The following SLC30A7 variants were observed in gnomAD, a reference collection of about 807,000 sequenced individuals.
SLC30A7 encodes zinc transporter 7.
A neutral mutation model predicts 46.0 loss-of-function variants in SLC30A7; 35 were observed. The ratio of observed to expected loss-of-function variants is 0.76; its 90% CI spans 0.58 to 1.01. The LOEUF is 1.01. SLC30A7 is among the 50% of genes least tolerant of loss of function. SLC30A7 has a pLI of 0.00. For synonymous variants in SLC30A7, 147 were observed against 157.8 expected, an observed-to-expected ratio of 0.93 and a Z score of 0.51; for missense variants, 464 against 451.1, an observed-to-expected ratio of 1.03 and a Z score of -0.26.
chr1:100,978,917 C>G lies in SLC30A7; in HGVS notation c.*4060C>G, dbSNP rs1656731832. 1 of 152,134 alleles carries G rather than the reference C, an allele frequency of 6.6e-6. No individual in the cohort carries two copies. Among genetic ancestry groups the G allele is most frequent in the Admixed American group, 6.5e-5 (1 of 15,276 alleles). The allele number at this position is 152,134 out of a possible 1,614,324, so 9.4% of individuals were successfully genotyped here. On this transcript the variant is annotated 3_prime_UTR_variant, in exon 11 of 11. Coordinates refer to ENST00000357650, the MANE Select transcript of SLC30A7 (RefSeq NM_133496.5). ...GAATTTTTCTGCTAATTGCCCAAGGCTAAATCCAATTTAAGGATTGCTTAG... is the reference window on the plus strand; with the variant it reads ...GAATTTTTCTGCTAATTGCCCAAGGGTAAATCCAATTTAAGGATTGCTTAG...
downstream of SLC30A7, among the ~76,000 whole-genome samples, chr1:100,986,241 C>T (rs1293742267): frequency 6.6e-6 from 1 of 152,122 alleles, no homozygotes; most frequent in East Asian, 1.9e-4. Flanking sequence ...GAAACCCCGC[C>T]TCTTCTAAAA....
At chr1:100,934,363 CAG>C (rs1335870581) in intron 8 of SLC30A7, among the ~76,000 whole-genome samples, 1 of 152,058 alleles carries the variant, frequency 6.6e-6, no homozygotes, top group African/African-American at 2.4e-5. Flanking sequence ...GACCTGAGAA[CAG>C]AGATTACTAG....
At chr1:100,925,435 T>C (rs1038174458) in intron 8 of SLC30A7, among the ~76,000 whole-genome samples, 2 of 152,172 alleles carry the variant, frequency 1.3e-5, no homozygotes, top group Admixed American at 6.6e-5. Context: ...GGGGCACAAG[T>C]GAGAACAGGC....
rs938863610 is a variant in SLC30A7 at position 100,979,135 on chromosome 1, A to C, written c.*4278A>C. ...AAGCAAATCTTTTAAGTAAGGTAAA[A>C]TGTTGAAGTCTTAACCAGAATTCCT... On this transcript the variant is annotated 3_prime_UTR_variant, in exon 11 of 11. Coordinates refer to ENST00000357650, the MANE Select transcript of SLC30A7 (RefSeq NM_133496.5). The C allele has an allele frequency of 2.8e-4, 42 of 152,140 alleles. No homozygotes were observed. The highest frequency in any genetic ancestry group is 2.4e-3 in the Admixed American group (36 of 15,274). 9.4% of individuals were successfully genotyped at this position (152,140 alleles called of 1,614,324 possible).
intron 8 of SLC30A7, among the ~76,000 whole-genome samples, chr1:100,945,027 C>T (rs1226281731): frequency 1.4e-4 from 22 of 152,188 alleles, no homozygotes; most frequent in Admixed American, 1.4e-3. Flanking sequence ...ATTTGCATTT[C>T]TCTGATGGCC....
In SLC30A7 at chr1:100,913,757, T is replaced by A; in HGVS notation, c.606T>A (p.Ala202=). ...HCHSHEVKHG[A]AHSHDHAHGH... ...ATAGCCATGAAGTGAAACATGGTGC[T>A]GCACATAGCCATGATCATGCTCATG... Residue 202 remains alanine (A), a synonymous_variant, in exon 6 of 11, where the codon GCT becomes GCA. Transcript: ENST00000357650. 1 of 1,613,994 alleles carries A rather than the reference T, an allele frequency of 6.2e-7. No homozygotes were observed. Among genetic ancestry groups the A allele is most frequent in the Non-Finnish European group, 8.5e-7 (1 of 1,179,880 alleles).
chr1:100,990,394 G>A, the SLC30A7 span: 3 of 1,610,456 alleles, frequency 1.9e-6, no homozygotes, highest in East Asian at 2.2e-5. Flanking sequence ...TCAGACAATG[G>A]TAAATATCTA....
intron 6 of SLC30A7, among the ~76,000 whole-genome samples, chr1:100,916,217 C>T (rs749833286): frequency 6.6e-6 from 1 of 151,736 alleles, no homozygotes; most frequent in African/African-American, 2.4e-5. Flanking sequence ...GATGGAGTCT[C>T]GCTCTGTCAC....
chr1:100,938,928 AG>A (rs753617706), intron 8 of SLC30A7, among the ~76,000 whole-genome samples: 3 of 152,220 alleles, frequency 2.0e-5, no homozygotes, highest in Admixed American at 1.3e-4. Flanking sequence ...GAGAGAGTAT[AG>A]TACCCAATAG....
intron 8 of SLC30A7, among the ~76,000 whole-genome samples, chr1:100,922,138 G>T (rs1210110985): frequency 6.6e-6 from 1 of 151,752 alleles, no homozygotes; most frequent in Non-Finnish European, 1.5e-5. Context: ...GCTAATTTTT[G>T]TATTTTTAAT....
At chr1:100,918,258 A>G (rs1186685896) in intron 7 of SLC30A7, 131 bp downstream of exon 7, 2 of 671,362 alleles carry the variant, frequency 3.0e-6, no homozygotes, top group African/African-American at 3.6e-5. Context: ...TAGCCTTTCT[A>G]GTGATTGTTT....
At chr1:100,994,304 TATC>T in the SLC30A7 span, among the ~76,000 whole-genome samples, 1 of 152,128 alleles carries the variant, frequency 6.6e-6, no homozygotes. Context: ...AATAACAGAG[TATC>T]ATTTTTTAAT....
At chr1:100,922,449 T>C (rs1322034847) in intron 8 of SLC30A7, among the ~76,000 whole-genome samples, 1 of 152,228 alleles carries the variant, frequency 6.6e-6, no homozygotes, top group Non-Finnish European at 1.5e-5. Flanking sequence ...ATATTCACTA[T>C]AGTTAGTGTA....
chr1:100,962,913 A>G (rs1655630805), intron 9 of SLC30A7, among the ~76,000 whole-genome samples: 1 of 152,198 alleles, frequency 6.6e-6, no homozygotes, highest in African/African-American at 2.4e-5. Flanking sequence ...GGAGTGGATT[A>G]TATTAGCAGA....
At chr1:100,954,882 T>G (rs1314669988) in intron 8 of SLC30A7, among the ~76,000 whole-genome samples, 6 of 152,070 alleles carry the variant, frequency 3.9e-5, no homozygotes, top group African/African-American at 1.4e-4. Context: ...CTTTGGCTTT[T>G]TTGTCCCCTG....
chr1:100,992,493 A>T, the SLC30A7 span: 1 of 547,504 alleles, frequency 1.8e-6, no homozygotes, highest in Non-Finnish European at 3.0e-6. Flanking sequence ...GATTTAAGTT[A>T]AAGTTGGACA....
chr1:100,932,913 C>T (rs1440847138), intron 8 of SLC30A7, among the ~76,000 whole-genome samples: 4 of 152,106 alleles, frequency 2.6e-5, no homozygotes, highest in African/African-American at 7.2e-5. Context: ...TCTGCCCCAA[C>T]CTCCCTTCCA....
chr1:100,940,917 C>T, intron 8 of SLC30A7: 1 of 376,538 alleles, frequency 2.7e-6, no homozygotes, highest in South Asian at 2.1e-5. Flanking sequence ...GCCCTGCCAC[C>T]ACTGTGCTTG....
the SLC30A7 span, among the ~76,000 whole-genome samples, chr1:100,988,185 G>A: frequency 6.6e-6 from 1 of 152,096 alleles, no homozygotes. Flanking sequence ...AGGATCTGCT[G>A]CTTTAATTTT....
Sources: allele counts gnomAD v4.1 joint callset (sites outside exome capture counted in the v4.1 genomes callset), GRCh38; gene constraint gnomAD v4.1.1; transcripts MANE v1.5; gene names NCBI Gene and HGNC (gene_info 2026-07-23, HGNC 2026-07-21).